Variants in NAALADL2 observed in about 807,000 individuals in gnomAD.
NAALADL2 encodes inactive N-acetylated-alpha-linked acidic dipeptidase-like protein 2.
Under a neutral mutation model 87.2 loss-of-function variants are expected in NAALADL2, and 76 were observed. The ratio of observed to expected loss-of-function variants is 0.87; its 90% CI spans 0.72 to 1.05. The LOEUF (loss-of-function observed/expected upper bound fraction) is 1.05. Ranked by LOEUF, NAALADL2 falls within the 50% of genes least tolerant of loss-of-function variation. The probability of loss-of-function intolerance (pLI) is 0.00; values close to 1 mark genes in which losing one functional copy is unlikely to be tolerated. For missense variants in NAALADL2, 1,089 were observed against 945.8 expected, an observed-to-expected ratio of 1.15 and a Z score of -1.99; for synonymous variants, 354 against 331.0, an observed-to-expected ratio of 1.07 and a Z score of -0.75.
At chr3:175,792,309 A>G (rs1752890842) in intron 13 of NAALADL2, among the ~76,000 whole-genome samples, 1 of 152,182 alleles carries the variant, frequency 6.6e-6, no homozygotes, top group South Asian at 2.1e-4. Flanking sequence ...AAAATATTAA[A>G]TGTGATGTTT....
intron 1 of NAALADL2, among the ~76,000 whole-genome samples, chr3:174,883,756 G>A (rs938432775): frequency 6.6e-6 from 1 of 152,134 alleles, no homozygotes; most frequent in Non-Finnish European, 1.5e-5. Flanking sequence ...ACCTCAGCAG[G>A]TTGTGGTTTT....
intron 1 of NAALADL2, among the ~76,000 whole-genome samples, chr3:174,457,736 G>A (rs1347040453): frequency 5.3e-5 from 8 of 152,090 alleles, no homozygotes; most frequent in Non-Finnish European, 7.4e-5. Flanking sequence ...GCTTGAATCC[G>A]GGAGGTGGAG....
intron 2 of NAALADL2, among the ~76,000 whole-genome samples, chr3:175,099,187 G>A (rs1260383751): frequency 6.6e-6 from 1 of 151,946 alleles, no homozygotes; most frequent in African/African-American, 2.4e-5. Flanking sequence ...ATAGGCAACT[G>A]ATTATAAAAT....
chr3:175,138,616 A>C, intron 2 of NAALADL2, among the ~76,000 whole-genome samples: 1 of 149,476 alleles, frequency 6.7e-6, no homozygotes, highest in East Asian at 2.0e-4. Context: ...TATTATTATT[A>C]TTATTATTGT....
At chr3:174,890,643 T>C (rs958836374) in intron 1 of NAALADL2, among the ~76,000 whole-genome samples, 3 of 152,172 alleles carry the variant, frequency 2.0e-5, no homozygotes, top group African/African-American at 7.2e-5. Context: ...CTAACTTGCC[T>C]GAGAAGGATT....
intron 2 of NAALADL2, among the ~76,000 whole-genome samples, chr3:174,600,103 A>G (rs73882454): frequency 0.023 from 3,485 of 152,130 alleles, 128 homozygotes; most frequent in African/African-American, 0.078. Context: ...CTAATCCTTT[A>G]TAATATATGA....
intron 3 of NAALADL2, among the ~76,000 whole-genome samples, chr3:174,765,846 T>C (rs1266058569): frequency 6.6e-6 from 1 of 152,184 alleles, no homozygotes; most frequent in South Asian, 2.1e-4. Context: ...TATCCTCACC[T>C]AACACTGTGC....
At chr3:175,639,300 T>C (rs1582731033) in intron 11 of NAALADL2, among the ~76,000 whole-genome samples, 1 of 148,918 alleles carries the variant, frequency 6.7e-6, no homozygotes, top group African/African-American at 2.5e-5. Context: ...ACAGCAGTTT[T>C]TTTTCAAAAG....
At chr3:174,916,043 G>GA (rs760577865) in intron 1 of NAALADL2, among the ~76,000 whole-genome samples, 1 of 151,922 alleles carries the variant, frequency 6.6e-6, no homozygotes, top group African/African-American at 2.4e-5. Context: ...GTAATCCCAT[G>GA]AAAAATATGG....
intron 5 of NAALADL2, among the ~76,000 whole-genome samples, chr3:175,445,139 T>C (rs554073933): frequency 2.0e-5 from 3 of 152,172 alleles, no homozygotes; most frequent in Non-Finnish European, 4.4e-5. Flanking sequence ...GATAGAGTCA[T>C]TCTGTTGGGT....
At chr3:174,923,966 G>T (rs1383376875) in intron 1 of NAALADL2, among the ~76,000 whole-genome samples, 1 of 152,114 alleles carries the variant, frequency 6.6e-6, no homozygotes, top group Non-Finnish European at 1.5e-5. Flanking sequence ...CTCAGCAGCT[G>T]TTCATGGAAT....
At chr3:175,599,257 T>C (rs7633359) in intron 10 of NAALADL2, among the ~76,000 whole-genome samples, 1,753 of 152,234 alleles carry the variant, frequency 0.012, 30 homozygotes, top group African/African-American at 0.04. Flanking sequence ...GGAATCATTA[T>C]TAATTCCATA....
At chr3:175,439,185 T>A (rs1336754385) in intron 5 of NAALADL2, among the ~76,000 whole-genome samples, 4 of 152,162 alleles carry the variant, frequency 2.6e-5, no homozygotes, top group African/African-American at 9.7e-5. Flanking sequence ...ATTATTGTGT[T>A]CCTTTCATTG....
intron 2 of NAALADL2, among the ~76,000 whole-genome samples, chr3:174,672,579 A>G (rs1331581555): frequency 1.3e-5 from 2 of 152,090 alleles, no homozygotes; most frequent in African/African-American, 4.8e-5. Context: ...TGCGTATTAT[A>G]TGTTAGGCCG....
At chr3:175,304,592 G>A (rs1456664910) in intron 4 of NAALADL2, among the ~76,000 whole-genome samples, 1 of 152,112 alleles carries the variant, frequency 6.6e-6, no homozygotes, top group Non-Finnish European at 1.5e-5. Flanking sequence ...TCCCCATGAA[G>A]CCGGTGCTCA....
intron 3 of NAALADL2, among the ~76,000 whole-genome samples, chr3:174,752,177 G>C (rs1205695751): frequency 6.6e-6 from 1 of 151,700 alleles, no homozygotes; most frequent in East Asian, 2.0e-4. Flanking sequence ...GGGTTTCACC[G>C]TTTTAGCCAG....
intron 1 of NAALADL2, among the ~76,000 whole-genome samples, chr3:174,925,009 A>C (rs537733390): frequency 6.6e-6 from 1 of 151,976 alleles, no homozygotes; most frequent in Admixed American, 6.6e-5. Context: ...ATTTTCTCCC[A>C]TTCTGTAGGT....
At chr3:175,405,368 TA>T (rs949964541) in intron 5 of NAALADL2, among the ~76,000 whole-genome samples, 2 of 152,174 alleles carry the variant, frequency 1.3e-5, no homozygotes, top group African/African-American at 2.4e-5. Flanking sequence ...TATACTTTAG[TA>T]AGCTCATTTT....
intron 1 of NAALADL2, among the ~76,000 whole-genome samples, chr3:174,895,792 A>T (rs1481985308): frequency 6.6e-6 from 1 of 152,170 alleles, no homozygotes; most frequent in Non-Finnish European, 1.5e-5. Flanking sequence ...TGAATAAAAA[A>T]TCCTCAAGAA....
Sources: allele counts gnomAD v4.1 joint callset (sites outside exome capture counted in the v4.1 genomes callset), GRCh38; gene constraint gnomAD v4.1.1; transcripts MANE v1.5; gene names NCBI Gene and HGNC (gene_info 2026-07-23, HGNC 2026-07-21).